ARHGAP6: variants seen among roughly 807,000 people sequenced by gnomAD.
The protein encoded by ARHGAP6 is rho GTPase-activating protein 6.
A neutral mutation model predicts 55.7 loss-of-function variants in ARHGAP6; 16 were observed. The observed-to-expected ratio is 0.29, with a 90% CI of 0.19 to 0.44. The LOEUF (loss-of-function observed/expected upper bound fraction) is 0.44, where lower values mean the gene tolerates loss of function less well. Ranked by LOEUF, ARHGAP6 falls within the 20% of genes least tolerant of loss-of-function variation. ARHGAP6 has a pLI of 1.00. For synonymous variants in ARHGAP6, 382 were observed against 360.9 expected (o/e 1.06, Z -0.66); for missense variants, 698 against 808.9 (o/e 0.86, Z 1.66).
Position 11,139,339 on chromosome X carries a change from G to A in ARHGAP6, c.2449C>T (p.Arg817Cys), listed in dbSNP as rs750326704. The A allele has an allele frequency of 1.7e-6, 2 of 1,178,233 alleles. No homozygotes were observed. Among genetic ancestry groups the A allele is most frequent in the East Asian group, 3.2e-5 (1 of 31,713 alleles). ...TEGRAHPAVS[R>C]ACSTPHVQVA... The stretch of plus-strand genomic sequence containing the variant: ...TGGACGTGGGGCGTGCTGCAGGCGC[G>A]CGACACCGCAGGGTGGGCCCTGCCC... The change falls in exon 13 of 13, where the codon CGC becomes TGC. Residue 817 changes from arginine to cysteine, a missense_variant. By Grantham distance (180) the Arg-to-Cys change is radical (BLOSUM62 -3). This residue lies in a region of ARHGAP6 where 212 missense variants were observed against 208.7 expected (regional missense o/e 1.02). Coordinates refer to ENST00000337414, the MANE Select transcript of ARHGAP6 (RefSeq NM_013427.3).
chrX:11,139,165 T>G lies in ARHGAP6; in HGVS notation c.2623A>C (p.Arg875=). 1 of 1,205,819 alleles carries G rather than the reference T, an allele frequency of 8.3e-7. No individual in the cohort carries two copies. The highest frequency in any genetic ancestry group is 1.8e-5 in the South Asian group (1 of 56,570). ...PQCQRPHGSG[R]DDKRPPPPYP... ...GGAGGCGGGGGCCGCTTGTCATCCC[T>G]CCCACTCCCATGGGGTCTTTGGCAC... The change falls in exon 13 of 13, where the codon AGG becomes CGG. Residue 875 remains arginine (R), a synonymous_variant. Transcript: ENST00000337414.
At chrX:11,285,688 G>A (rs2047913553) in intron 1 of ARHGAP6, among the ~76,000 whole-genome samples, 1 of 112,005 alleles carries the variant, frequency 8.9e-6, no homozygotes, top group Admixed American at 9.5e-5. Context: ...CTCTGAGCAG[G>A]ACAGATCCTA....
chrX:11,199,040 G>C (rs190092728), intron 2 of ARHGAP6, among the ~76,000 whole-genome samples: 18 of 112,153 alleles, frequency 1.6e-4, no homozygotes, highest in Admixed American at 3.8e-4. Flanking sequence ...ATCACATTAT[G>C]GATACTGTTT....
chrX:11,598,450 T>C (rs1395946100), intron 1 of ARHGAP6, among the ~76,000 whole-genome samples: 1 of 112,164 alleles, frequency 8.9e-6, no homozygotes, highest in African/African-American at 3.2e-5. Flanking sequence ...TATTGTGCCC[T>C]GGCAGTGAGC....
chrX:11,498,363 T>G (rs1310143153), intron 1 of ARHGAP6, among the ~76,000 whole-genome samples: 1 of 112,229 alleles, frequency 8.9e-6, no homozygotes, highest in African/African-American at 3.2e-5. Context: ...GGATGAGAAC[T>G]TCATACATAC....
intron 3 of ARHGAP6, among the ~76,000 whole-genome samples, chrX:11,195,843 C>T (rs1171649799): frequency 1.9e-5 from 2 of 106,305 alleles, no homozygotes; most frequent in Admixed American, 1.0e-4. Context: ...AGGCCGGGCG[C>T]GATGGATCAT....
At chrX:11,178,075 A>T (rs1311825275) in intron 8 of ARHGAP6, 25 bp downstream of exon 8, 8 of 1,208,895 alleles carry the variant, frequency 6.6e-6, no homozygotes, top group African/African-American at 1.8e-5. Flanking sequence ...GAGTCACGGC[A>T]TCTATGGCAG....
chrX:11,616,755 T>A (rs1227343097), intron 1 of ARHGAP6, among the ~76,000 whole-genome samples: 3 of 111,877 alleles, frequency 2.7e-5, no homozygotes, highest in African/African-American at 9.7e-5. Flanking sequence ...CCAGGGGACA[T>A]TTGGCAATAT....
chrX:11,517,949 C>T (rs900473652), intron 1 of ARHGAP6, among the ~76,000 whole-genome samples: 3 of 106,119 alleles, frequency 2.8e-5, no homozygotes, highest in Non-Finnish European at 3.8e-5. Flanking sequence ...CAAACCTGCA[C>T]ATCCGCACAT....
intron 1 of ARHGAP6, among the ~76,000 whole-genome samples, chrX:11,659,338 A>G (rs1264848625): frequency 5.4e-5 from 6 of 110,781 alleles, no homozygotes; most frequent in Non-Finnish European, 7.6e-5. Flanking sequence ...CTCATGCTTA[A>G]AAATCACCAA....
At chrX:11,470,985 G>C (rs2050341649) in intron 1 of ARHGAP6, among the ~76,000 whole-genome samples, 1 of 111,745 alleles carries the variant, frequency 8.9e-6, no homozygotes, top group Non-Finnish European at 1.9e-5. Context: ...GCATATACAG[G>C]TTTCTCTATT....
intron 1 of ARHGAP6, among the ~76,000 whole-genome samples, chrX:11,353,535 A>G (rs1033141421): frequency 2.0e-5 from 2 of 101,812 alleles, no homozygotes; most frequent in African/African-American, 3.7e-5. Context: ...GTCTCAGGCA[A>G]CAGTATTGCT....
chrX:11,430,973 T>A (rs1367534298), intron 1 of ARHGAP6, among the ~76,000 whole-genome samples: 1 of 111,923 alleles, frequency 8.9e-6, no homozygotes, highest in African/African-American at 3.3e-5. Flanking sequence ...GGTATTGTTC[T>A]AGGTCAACTA....
At chrX:11,255,956 C>G (rs2047489037) in intron 1 of ARHGAP6, among the ~76,000 whole-genome samples, 1 of 112,379 alleles carries the variant, frequency 8.9e-6, no homozygotes, top group Admixed American at 9.4e-5. Flanking sequence ...CATGCTGCAA[C>G]AGATTTGAGG....
intron 2 of ARHGAP6, among the ~76,000 whole-genome samples, chrX:11,202,578 C>T (rs748515189): frequency 1.8e-5 from 2 of 110,112 alleles, no homozygotes; most frequent in East Asian, 2.9e-4. Flanking sequence ...GAGGCCCAGG[C>T]GGGCAGGTTA....
At chrX:11,476,119 A>G (rs1323906315) in intron 1 of ARHGAP6, among the ~76,000 whole-genome samples, 1 of 110,621 alleles carries the variant, frequency 9.0e-6, no homozygotes, top group Non-Finnish European at 1.9e-5. Context: ...CAGAAAAGAC[A>G]ATCATGTATT....
intron 1 of ARHGAP6, among the ~76,000 whole-genome samples, chrX:11,472,526 G>C (rs1258675460): frequency 1.8e-5 from 2 of 111,372 alleles, no homozygotes; most frequent in Non-Finnish European, 3.8e-5. Flanking sequence ...AGGTGGTAAG[G>C]AGCTTGGTGT....
intron 1 of ARHGAP6, among the ~76,000 whole-genome samples, chrX:11,553,969 A>G (rs1028576821): frequency 2.7e-5 from 3 of 112,276 alleles, no homozygotes; most frequent in African/African-American, 6.5e-5. Flanking sequence ...AAAAGCTACT[A>G]ACATGCTAAA....
chrX:11,432,060 A>G (rs1264437783), intron 1 of ARHGAP6, among the ~76,000 whole-genome samples: 1 of 112,382 alleles, frequency 8.9e-6, no homozygotes, highest in Non-Finnish European at 1.9e-5. Flanking sequence ...AGATGACTCT[A>G]GATATTGCAG....
Sources: allele counts gnomAD v4.1 joint callset (sites outside exome capture counted in the v4.1 genomes callset), GRCh38; gene constraint gnomAD v4.1.1; regional missense constraint gnomAD v4.1.1; transcripts MANE v1.5; gene names NCBI Gene and HGNC (gene_info 2026-07-23, HGNC 2026-07-21).